GRM7: variants seen among roughly 807,000 people sequenced by gnomAD.
GRM7 encodes glutamate metabotropic receptor 7, also known as metabotropic glutamate receptor 7.
Under a neutral mutation model 84.5 loss-of-function variants are expected in GRM7, and 35 were observed. The observed-to-expected ratio is 0.41, with a 90% CI of 0.32 to 0.55. The LOEUF (loss-of-function observed/expected upper bound fraction) is 0.55, where lower values mean the gene tolerates loss of function less well. Ranked by LOEUF, GRM7 falls within the 20% of genes least tolerant of loss-of-function variation. The probability of loss-of-function intolerance (pLI) is 0.19; values close to 1 mark genes in which losing one functional copy is unlikely to be tolerated. For synonymous variants in GRM7, 487 were observed against 455.1 expected, an observed-to-expected ratio of 1.07 and a Z score of -0.89; for missense variants, 1,003 against 1,194.6, an observed-to-expected ratio of 0.84 and a Z score of 2.36.
intron 9 of GRM7, among the ~76,000 whole-genome samples, chr3:7,700,090 A>C (rs1006415254): frequency 6.6e-6 from 1 of 152,348 alleles, no homozygotes; most frequent in South Asian, 2.1e-4. Flanking sequence ...ACTAGCATTT[A>C]GCAGAATCAT....
At chr3:7,123,119 C>T (rs1157350986) in intron 1 of GRM7, among the ~76,000 whole-genome samples, 2 of 152,232 alleles carry the variant, frequency 1.3e-5, no homozygotes, top group Non-Finnish European at 2.9e-5. Context: ...AATAATGTAT[C>T]CATCTTCTGC....
At chr3:7,441,695 A>G (rs1697293832) in intron 5 of GRM7, among the ~76,000 whole-genome samples, 1 of 152,176 alleles carries the variant, frequency 6.6e-6, no homozygotes, top group South Asian at 2.1e-4. Flanking sequence ...AGTCTTCTGC[A>G]TATGGCTAAC....
rs1265126995 is a variant in GRM7, at chr3:7,595,545, A to G, written c.2451+16188A>G. On this transcript the variant is annotated intron_variant, in intron 8 of 9. Coordinates refer to ENST00000357716, the MANE Select transcript of GRM7 (RefSeq NM_000844.4). ...GGAGGGAGAGTGAGAGAGTGGTTAA[A>G]TTAATCAAATATGAGTATGTAATAT... Among the ~76,000 whole-genome samples, 3 of 152,168 alleles carry G rather than the reference A, an allele frequency of 2.0e-5. 1 individual carries two copies. The highest frequency in any genetic ancestry group is 7.2e-5 in the African/African-American group (3 of 41,450).
intron 1 of GRM7, among the ~76,000 whole-genome samples, chr3:6,908,465 A>AT (rs1696656439): frequency 6.6e-6 from 1 of 152,148 alleles, no homozygotes; most frequent in Non-Finnish European, 1.5e-5. Context: ...TTTTTCCCTC[A>AT]TTTCGCAGAT....
chr3:7,084,154 A>G (rs1038572059), intron 1 of GRM7, among the ~76,000 whole-genome samples: 1 of 152,126 alleles, frequency 6.6e-6, no homozygotes, highest in East Asian at 1.9e-4. Flanking sequence ...TACTCTCTGG[A>G]AAACAGACTC....
intron 1 of GRM7, among the ~76,000 whole-genome samples, chr3:7,098,724 G>T (rs990602345): frequency 2.6e-5 from 4 of 151,976 alleles, no homozygotes; most frequent in African/African-American, 9.7e-5. Flanking sequence ...AAACATCGAT[G>T]ATGGATAATA....
At chr3:7,692,842 C>T (rs957891115) in intron 9 of GRM7, among the ~76,000 whole-genome samples, 1 of 151,950 alleles carries the variant, frequency 6.6e-6, no homozygotes, top group African/African-American at 2.4e-5. Context: ...ATCTCATCAT[C>T]ATTTCTTCTT....
At chr3:6,940,074 C>A (rs552289552) in intron 1 of GRM7, among the ~76,000 whole-genome samples, 2 of 152,002 alleles carry the variant, frequency 1.3e-5, no homozygotes, top group Admixed American at 6.6e-5. Context: ...ACTTTTGAAA[C>A]GTTTTTAATT....
intron 8 of GRM7, among the ~76,000 whole-genome samples, chr3:7,580,126 G>A (rs762138826): frequency 7.2e-5 from 11 of 152,220 alleles, no homozygotes; most frequent in Non-Finnish European, 1.5e-4. Flanking sequence ...CTTTGATTTA[G>A]ACAATTCTAC....
At chr3:6,958,810 C>T (rs546933377) in intron 1 of GRM7, among the ~76,000 whole-genome samples, 1 of 152,064 alleles carries the variant, frequency 6.6e-6, no homozygotes, top group Admixed American at 6.5e-5. Context: ...TTATACAGTT[C>T]AAATAAATCC....
At chr3:7,496,594 G>C (rs1329117477) in intron 7 of GRM7, among the ~76,000 whole-genome samples, 1 of 152,010 alleles carries the variant, frequency 6.6e-6, no homozygotes, top group African/African-American at 2.4e-5. Context: ...TTGCATTATT[G>C]GGACAAATAA....
intron 1 of GRM7, among the ~76,000 whole-genome samples, chr3:7,143,772 G>C (rs114908342): frequency 6.6e-6 from 1 of 152,132 alleles, no homozygotes; most frequent in African/African-American, 2.4e-5. Flanking sequence ...GGCAGGAAAG[G>C]CATCTGCGCA....
chr3:7,555,297 G>A (rs546485230), intron 7 of GRM7, among the ~76,000 whole-genome samples: 40 of 152,186 alleles, frequency 2.6e-4, no homozygotes, highest in Admixed American at 1.1e-3. Context: ...TTAAAATTTT[G>A]AAACACTGTT....
chr3:7,016,812 A>G (rs572081585), intron 1 of GRM7, among the ~76,000 whole-genome samples: 1 of 152,310 alleles, frequency 6.6e-6, no homozygotes, highest in African/African-American at 2.4e-5. Context: ...GAGACAAAGA[A>G]ACTGAGACCT....
At chr3:7,101,633 C>T (rs114257718) in intron 1 of GRM7, among the ~76,000 whole-genome samples, 3,542 of 151,078 alleles carry the variant, frequency 0.023, 148 homozygotes, top group African/African-American at 0.079. Context: ...ATTCTACTTT[C>T]CTCCTTTTAT....
chr3:7,257,607 T>A (rs1416879137), intron 2 of GRM7, among the ~76,000 whole-genome samples: 4 of 152,168 alleles, frequency 2.6e-5, no homozygotes, highest in Admixed American at 2.6e-4. Context: ...CAGGATGCAA[T>A]TTATTCATAT....
At chr3:7,250,036 G>C (rs1228404340) in intron 2 of GRM7, among the ~76,000 whole-genome samples, 1 of 152,154 alleles carries the variant, frequency 6.6e-6, no homozygotes, top group African/African-American at 2.4e-5. Context: ...TTAGTCGCAC[G>C]GTCCCCGCCC....
At chr3:7,324,985 G>T (rs546728117) in intron 4 of GRM7, among the ~76,000 whole-genome samples, 1 of 152,200 alleles carries the variant, frequency 6.6e-6, no homozygotes, top group East Asian at 1.9e-4. Context: ...CACTTAGCAG[G>T]CTAGCACTTT....
intron 8 of GRM7, among the ~76,000 whole-genome samples, chr3:7,594,742 C>T (rs1041001680): frequency 1.3e-5 from 2 of 152,088 alleles, no homozygotes; most frequent in Non-Finnish European, 2.9e-5. Flanking sequence ...ATCCTGACCA[C>T]CATCTGGGCC....
Sources: gnomAD v4.1 joint callset for allele counts (sites outside exome capture counted in the v4.1 genomes callset) on GRCh38, gnomAD v4.1.1 for gene constraint, MANE v1.5 for transcripts, NCBI Gene and HGNC (gene_info 2026-07-23, HGNC 2026-07-21) for gene names.